ANKIB1: variants seen among roughly 807,000 people sequenced by gnomAD.
ANKIB1 encodes the protein ankyrin repeat and IBR domain-containing protein 1.
ANKIB1 carries 43 observed loss-of-function variants against 122.1 expected under a neutral mutation model. The ratio of observed to expected loss-of-function variants is 0.35; its 90% confidence interval spans 0.28 to 0.45. The LOEUF is 0.45. Among genes scored for constraint, ANKIB1 ranks in the 20% least tolerant of loss-of-function variants. ANKIB1 has a pLI of 1.00. For missense variants in ANKIB1, 992 were observed against 1,329.5 expected, an observed-to-expected ratio of 0.75 and a Z score of 3.95; for synonymous variants, 390 against 442.0, an observed-to-expected ratio of 0.88 and a Z score of 1.48.
intron 4 of ANKIB1, among the ~76,000 whole-genome samples, chr7:92,322,580 G>C (rs1802934912): frequency 6.6e-6 from 1 of 151,964 alleles, no homozygotes. Flanking sequence ...TGTACTACCA[G>C]ACTTAAGCAA....
At chr7:92,283,157 A>C (rs1286087809) in intron 1 of ANKIB1, among the ~76,000 whole-genome samples, 1 of 152,160 alleles carries the variant, frequency 6.6e-6, no homozygotes, top group African/African-American at 2.4e-5. Flanking sequence ...AAACTGCCAT[A>C]GATATTTTTA....
At chr7:92,347,880 G>T in intron 7 of ANKIB1, 1 of 302,004 alleles carries the variant, frequency 3.3e-6, no homozygotes, top group Non-Finnish European at 6.5e-6. Context: ...CGTATGTAAA[G>T]TGCTTAAAAC....
At chr7:92,367,921 C>G (rs1227816012) in intron 10 of ANKIB1, among the ~76,000 whole-genome samples, 1 of 152,008 alleles carries the variant, frequency 6.6e-6, no homozygotes, top group African/African-American at 2.4e-5. Flanking sequence ...TTTGGGAGGC[C>G]AAGGCAAGAG....
chr7:92,350,842 A>AT, intron 7 of ANKIB1, 108 bp from the exon 8 acceptor site: 1 of 1,122,524 alleles, frequency 8.9e-7, no homozygotes. Context: ...GAGTGATGGA[A>AT]TGAGACCCTG....
rs1053651473 is a variant in ANKIB1 at position 92,246,472 on chromosome 7, C to G, written c.-138C>G. 1 of 518,234 alleles carries G rather than the reference C, an allele frequency of 1.9e-6. No individual in the cohort carries two copies. The highest frequency in any genetic ancestry group is 1.4e-5 in the South Asian group (1 of 71,482). The allele number at this position is 518,234 out of a possible 1,614,324, so 32.1% of individuals were successfully genotyped here. ...GGCAGGGGCGGCGGAGGCGGAACTGCGGAGTTGCTGGGTCCACCGACCCTT... is the reference window on the plus strand; with the variant it reads ...GGCAGGGGCGGCGGAGGCGGAACTGGGGAGTTGCTGGGTCCACCGACCCTT... On this transcript the variant is annotated 5_prime_UTR_variant, in exon 1 of 20. Transcript: ENST00000265742.
At chr7:92,263,961 C>T (rs1801615175) in intron 1 of ANKIB1, among the ~76,000 whole-genome samples, 1 of 152,078 alleles carries the variant, frequency 6.6e-6, no homozygotes, top group African/African-American at 2.4e-5. Context: ...AAACCATTGC[C>T]CACAAGTTTA....
chr7:92,347,911 C>T (rs1803574919), intron 7 of ANKIB1: 1 of 394,176 alleles, frequency 2.5e-6, no homozygotes, highest in Non-Finnish European at 4.9e-6. Flanking sequence ...ATATAGTAAT[C>T]GTTCAATAAA....
chr7:92,366,530 G>T (rs1318935877), intron 10 of ANKIB1, among the ~76,000 whole-genome samples: 1 of 152,154 alleles, frequency 6.6e-6, no homozygotes, highest in Non-Finnish European at 1.5e-5. Context: ...TAAACTATGG[G>T]TATGATCTTT....
At chr7:92,389,425 T>C (rs1416384544) in intron 14 of ANKIB1, among the ~76,000 whole-genome samples, 3 of 152,112 alleles carry the variant, frequency 2.0e-5, no homozygotes, top group African/African-American at 7.2e-5. Context: ...GGCAATTTAG[T>C]CTTCCATCTT....
intron 2 of ANKIB1, among the ~76,000 whole-genome samples, chr7:92,301,751 A>C (rs1337108107): frequency 2.6e-5 from 4 of 152,324 alleles, no homozygotes; most frequent in Non-Finnish European, 5.9e-5. Flanking sequence ...TTTACTCATC[A>C]GCATTAAGTA....
At chr7:92,385,666 G>A (rs563138819) in intron 11 of ANKIB1, among the ~76,000 whole-genome samples, 1 of 152,268 alleles carries the variant, frequency 6.6e-6, no homozygotes, top group East Asian at 1.9e-4. Flanking sequence ...TCACTCATAG[G>A]TGGGAATTGA....
chr7:92,392,088 T>G (rs1015988259), intron 16 of ANKIB1, among the ~76,000 whole-genome samples, 153 bp from the exon 17 acceptor site: 7 of 152,162 alleles, frequency 4.6e-5, no homozygotes, highest in African/African-American at 1.4e-4. Context: ...GAAAGGAAAA[T>G]TATCATTTTA....
chr7:92,287,483 G>T (rs1244771952), intron 1 of ANKIB1, among the ~76,000 whole-genome samples: 1 of 152,152 alleles, frequency 6.6e-6, no homozygotes, highest in African/African-American at 2.4e-5. Flanking sequence ...GAACTTATGT[G>T]CCTTTTTTAG....
At chr7:92,368,813 T>G (rs1045854530) in intron 10 of ANKIB1, among the ~76,000 whole-genome samples, 3 of 152,204 alleles carry the variant, frequency 2.0e-5, no homozygotes, top group African/African-American at 7.2e-5. Context: ...AGCATGAGTT[T>G]TTATCATAGT....
At chr7:92,377,738 A>G (rs1473661909) in intron 11 of ANKIB1, among the ~76,000 whole-genome samples, 1 of 152,202 alleles carries the variant, frequency 6.6e-6, no homozygotes, top group Non-Finnish European at 1.5e-5. Context: ...TTTCTAAGAA[A>G]GTATTATTTA....
Position 92,249,561 on chromosome 7 carries a change from A to C in ANKIB1, c.-91+3042A>C, listed in dbSNP as rs371519514. On this transcript the variant is annotated intron_variant, in intron 1 of 19. Transcript: ENST00000265742. ...TGGTGAAACTCTGTCTCTACTAAAG[A>C]TACAAAAAACTAGCTGGGTGTGGTG... 3.2e-4 allele frequency among the ~76,000 whole-genome samples: 48 copies of C among 152,240 alleles called. 1 individual carries two copies. Among genetic ancestry groups the C allele is most frequent in the African/African-American group, 9.6e-4 (40 of 41,536 alleles).
At chr7:92,352,863 A>G (rs976310655) in intron 9 of ANKIB1, among the ~76,000 whole-genome samples, 2 of 152,182 alleles carry the variant, frequency 1.3e-5, no homozygotes, top group Non-Finnish European at 1.5e-5. Flanking sequence ...TCTCCCAACA[A>G]TGCTGAGTTG....
chr7:92,341,493 CAA>C (rs754130685), intron 5 of ANKIB1, among the ~76,000 whole-genome samples: 10 of 117,582 alleles, frequency 8.5e-5, no homozygotes, highest in Admixed American at 8.6e-5. Context: ...CTCGTTGTGG[CAA>C]AAAAAAAAAA....
At chr7:92,330,336 T>A (rs1327463755) in intron 5 of ANKIB1, among the ~76,000 whole-genome samples, 2 of 152,302 alleles carry the variant, frequency 1.3e-5, no homozygotes, top group East Asian at 3.9e-4. Context: ...GTTTCCGTAA[T>A]ACCTAATATA....
Sources: gnomAD v4.1 joint callset for allele counts (sites outside exome capture counted in the v4.1 genomes callset) on GRCh38, gnomAD v4.1.1 for gene constraint, MANE v1.5 for transcripts, NCBI Gene and HGNC (gene_info 2026-07-23, HGNC 2026-07-21) for gene names.